IQSEC1: variants seen among roughly 807,000 people sequenced by gnomAD.
IQSEC1 encodes IQ motif and Sec7 domain ArfGEF 1.
IQSEC1 carries 31 observed loss-of-function variants against 91.0 expected under a neutral mutation model. The observed-to-expected ratio is 0.34, with a 90% CI of 0.26 to 0.46. The LOEUF (loss-of-function observed/expected upper bound fraction) is 0.46. Among genes scored for constraint, IQSEC1 ranks in the 20% least tolerant of loss-of-function variants. The probability of loss-of-function intolerance (pLI) is 1.00; values close to 1 mark genes in which losing one functional copy is unlikely to be tolerated. For synonymous variants in IQSEC1, 699 were observed against 662.6 expected, an observed-to-expected ratio of 1.05 and a Z score of -0.84; for missense variants, 1,388 against 1,575.6, an observed-to-expected ratio of 0.88 and a Z score of 2.02.
intron 2 of IQSEC1, among the ~76,000 whole-genome samples, chr3:13,125,627 C>T (rs28638248): frequency 0.023 from 3,522 of 152,316 alleles, 134 homozygotes; most frequent in African/African-American, 0.077. Flanking sequence ...TGTCCCTGGA[C>T]AGCCCTCTGG....
chr3:13,003,844 T>C (rs1702526471), intron 1 of IQSEC1, among the ~76,000 whole-genome samples: 1 of 152,214 alleles, frequency 6.6e-6, no homozygotes. Flanking sequence ...TTGTTCTTAG[T>C]AATTATGTAC....
intron 1 of IQSEC1, among the ~76,000 whole-genome samples, chr3:13,262,031 A>G (rs1695398357): frequency 6.6e-6 from 1 of 152,128 alleles, no homozygotes; most frequent in South Asian, 2.1e-4. Context: ...ACTGCTGTAA[A>G]CTCAGGCAAC....
intron 1 of IQSEC1, among the ~76,000 whole-genome samples, chr3:12,942,544 A>G (rs1457150517): frequency 2.0e-5 from 3 of 152,092 alleles, no homozygotes; most frequent in South Asian, 2.1e-4. Flanking sequence ...CAGAGCTTGC[A>G]GTGAGCCAAG....
In IQSEC1 at chr3:13,259,809, C is replaced by G. The variant is rs1695351165; in HGVS notation, c.272+22902G>C. 6.6e-6 allele frequency among the ~76,000 whole-genome samples: 1 copy of G among 152,230 alleles called. No individual in the cohort carries two copies. Among genetic ancestry groups the G allele is most frequent in the Non-Finnish European group, 1.5e-5 (1 of 68,042 alleles). ...GGGATGCAAGCCATGCAGCCAATGC[C>G]ACCCAAGAAAAGGTCAACGGGGCTT... On this transcript the variant is annotated intron_variant, in intron 1 of 15. Coordinates refer to the IQSEC1 transcript ENST00000648114. The surrounding 1 kb of genome is among the most constrained non-coding windows in gnomAD (Gnocchi z 4.6).
At chr3:13,027,337 G>T (rs1480994197) in intron 1 of IQSEC1, among the ~76,000 whole-genome samples, 1 of 152,192 alleles carries the variant, frequency 6.6e-6, no homozygotes, top group African/African-American at 2.4e-5. Context: ...TCACTTCAGG[G>T]CAGGAGCTGG....
chr3:13,087,848 G>A (rs1431645957), intron 2 of IQSEC1, among the ~76,000 whole-genome samples: 1 of 152,192 alleles, frequency 6.6e-6, no homozygotes, highest in Non-Finnish European at 1.5e-5. Context: ...GGGCCAAAGA[G>A]CACTACGGAG....
intron 2 of IQSEC1, among the ~76,000 whole-genome samples, chr3:13,140,142 C>T (rs1486766158): frequency 2.0e-5 from 3 of 152,210 alleles, no homozygotes; most frequent in Non-Finnish European, 2.9e-5. Flanking sequence ...CGCTCAGACA[C>T]TCCCTCCTCC....
At position 13,134,225 on chromosome 3, in the gene IQSEC1, G is replaced by T. The variant is rs966728386; in HGVS notation, c.302+29879C>A. On this transcript the variant is annotated intron_variant, in intron 2 of 15. Coordinates refer to the IQSEC1 transcript ENST00000648114. The stretch of plus-strand genomic sequence containing the variant: ...CCCCTCGTCAGGGCTGGAGCTGGGG[G>T]CCAGATATGCAGGGGCTGCAGGGCG... 2.0e-5 allele frequency among the ~76,000 whole-genome samples: 3 copies of T among 152,220 alleles called. No homozygotes were observed. In the East Asian group the frequency reaches 5.8e-4, roughly 29 times the overall value.
At chr3:13,107,798 C>T (rs574336473) in intron 2 of IQSEC1, among the ~76,000 whole-genome samples, 13 of 152,358 alleles carry the variant, frequency 8.5e-5, no homozygotes, top group Non-Finnish European at 1.8e-4. Flanking sequence ...GGCACAGACA[C>T]GGTGATGCGG....
intron 1 of IQSEC1, among the ~76,000 whole-genome samples, chr3:13,235,948 G>C (rs1694921137): frequency 6.6e-6 from 1 of 152,142 alleles, no homozygotes; most frequent in South Asian, 2.1e-4. Flanking sequence ...TCCCGTTCCT[G>C]GTCCTGTCGC....
At chr3:13,016,222 C>A (rs942861624) in intron 1 of IQSEC1, among the ~76,000 whole-genome samples, 1 of 152,224 alleles carries the variant, frequency 6.6e-6, no homozygotes, top group Non-Finnish European at 1.5e-5. Flanking sequence ...AGTGTCCGGG[C>A]CCAGGCCCCT....
At chr3:12,926,109 C>T (rs772242201) in intron 3 of IQSEC1, among the ~76,000 whole-genome samples, 1 of 152,018 alleles carries the variant, frequency 6.6e-6, no homozygotes, top group Non-Finnish European at 1.5e-5. Flanking sequence ...TCAGGAGTTC[C>T]AGACCAGCCT....
At chr3:13,038,260 G>GTATATATATA (rs1452632242) in intron 1 of IQSEC1, among the ~76,000 whole-genome samples, 834 of 61,934 alleles carry the variant, frequency 0.013, 5 homozygotes, top group Middle Eastern at 0.032. Context: ...GTGTGTGTGT[G>GTATATATATA]TGTATATATA....
chr3:13,237,515 A>G (rs915912831), intron 1 of IQSEC1, among the ~76,000 whole-genome samples: 2 of 152,206 alleles, frequency 1.3e-5, no homozygotes, highest in Non-Finnish European at 2.9e-5. Context: ...TGATCAGGAC[A>G]GGGCACTCTG....
intron 2 of IQSEC1, among the ~76,000 whole-genome samples, chr3:13,137,877 C>T (rs1706735995): frequency 6.6e-6 from 1 of 152,178 alleles, no homozygotes; most frequent in South Asian, 2.1e-4. Context: ...ATATGCAGAA[C>T]ACATTAAATA....
At position 12,992,631 on chromosome 3, in the gene IQSEC1, C is replaced by T. The variant is rs749847894; in HGVS notation, c.24-50766G>A. Among the ~76,000 whole-genome samples, 2 of 152,218 alleles carry T rather than the reference C, an allele frequency of 1.3e-5. No individual in the cohort carries two copies. Among genetic ancestry groups the T allele is most frequent in the Non-Finnish European group, 2.9e-5 (2 of 68,042 alleles). ...GCTCATCAAAGTGCACAACCAGACC[C>T]CTGCTCCCAGTCTAGGACAGGTCCC... On this transcript the variant is annotated intron_variant, in intron 1 of 13. Transcript: ENST00000613206. The surrounding 1 kb of genome is among the most constrained non-coding windows in gnomAD (Gnocchi z 4.1).
intron 2 of IQSEC1, among the ~76,000 whole-genome samples, chr3:13,124,809 C>T (rs767466122): frequency 2.9e-4 from 44 of 152,188 alleles, no homozygotes; most frequent in Non-Finnish European, 2.2e-4. Flanking sequence ...AGTCATGGGC[C>T]ATGCCCTCCT....
At position 12,940,986 on chromosome 3, in the gene IQSEC1, G is replaced by A. The variant is rs1294480709; in HGVS notation, c.318+585C>T. On this transcript the variant is annotated intron_variant, in intron 2 of 13. Coordinates refer to ENST00000613206, the MANE Select transcript of IQSEC1 (RefSeq NM_001134382.3). The surrounding 1 kb of genome is among the most constrained non-coding windows in gnomAD (Gnocchi z 4.4). ...CACTGTGGGTCTGGGCCACCTCTAAGGGCCAAGGCCCCTGGGGGAGGGGTG... is the reference window on the plus strand; with the variant it reads ...CACTGTGGGTCTGGGCCACCTCTAAAGGCCAAGGCCCCTGGGGGAGGGGTG... 1.3e-5 allele frequency among the ~76,000 whole-genome samples: 2 copies of A among 152,138 alleles called. No individual in the cohort carries two copies. The highest frequency in any genetic ancestry group is 2.4e-5 in the African/African-American group (1 of 41,432).
At chr3:13,197,673 C>T (rs1694159841) in intron 1 of IQSEC1, among the ~76,000 whole-genome samples, 1 of 152,206 alleles carries the variant, frequency 6.6e-6, no homozygotes, top group South Asian at 2.1e-4. Context: ...CACCTTACGA[C>T]CAGCAGAGTG....
Sources: allele counts gnomAD v4.1 joint callset (sites outside exome capture counted in the v4.1 genomes callset), GRCh38; gene constraint gnomAD v4.1.1; non-coding constraint Gnocchi (gnomAD v3.1); transcripts MANE v1.5; gene names NCBI Gene and HGNC (gene_info 2026-07-23, HGNC 2026-07-21).